MYOCD: variants seen among roughly 807,000 people sequenced by gnomAD.
MYOCD encodes myocardin.
Under a neutral mutation model 96.1 loss-of-function variants are expected in MYOCD, and 32 were observed. The observed-to-expected ratio is 0.33, with a 90% confidence interval of 0.25 to 0.45. MYOCD has a LOEUF of 0.45. Among genes scored for constraint, MYOCD ranks in the 20% least tolerant of loss-of-function variants. The probability of loss-of-function intolerance (pLI) is 1.00; values close to 1 mark genes in which losing one functional copy is unlikely to be tolerated. For missense variants in MYOCD, 1,133 were observed against 1,200.6 expected (o/e 0.94, Z 0.83); for synonymous variants, 469 against 469.0 (o/e 1.00, Z 0.00).
At chr17:12,695,502 C>T (rs2030701998) in intron 1 of MYOCD, among the ~76,000 whole-genome samples, 1 of 152,166 alleles carries the variant, frequency 6.6e-6, no homozygotes, top group Admixed American at 6.5e-5. Flanking sequence ...CTATATTTTG[C>T]AATGTTTCTG....
chr17:12,717,332 T>A lies in MYOCD; in HGVS notation c.178-14T>A. ...AGGTAAAACTAGGTGATTTCTCTTG[T>A]TTGGGTTCTACAGGCTAAAAATTCC... On this transcript the variant is annotated splice_polypyrimidine_tract_variant and intron_variant, in intron 3 of 13. Coordinates refer to ENST00000425538, the MANE Select transcript of MYOCD (RefSeq NM_001146312.3). The A allele has an allele frequency of 6.2e-7, 1 of 1,611,162 alleles. No individual in the cohort carries two copies. The highest frequency in any genetic ancestry group is 1.3e-5 in the African/African-American group (1 of 74,986).
intron 5 of MYOCD, among the ~76,000 whole-genome samples, chr17:12,733,016 T>C (rs901615820): frequency 1.3e-5 from 2 of 152,130 alleles, no homozygotes; most frequent in African/African-American, 2.4e-5. Context: ...ATATGACCTA[T>C]GTATACGAAG....
chr17:12,748,921 T>C (rs903575034), intron 9 of MYOCD, among the ~76,000 whole-genome samples: 2 of 152,206 alleles, frequency 1.3e-5, no homozygotes, highest in Non-Finnish European at 2.9e-5. Flanking sequence ...TAAAGTAACA[T>C]ATATTGACTG....
rs867071527 is a variant in MYOCD, at chr17:12,745,934, G to A, written c.987G>A (p.Gln329=). The change falls in exon 9 of 14, where the codon CAG becomes CAA. Residue 329 remains glutamine, a synonymous_variant. Coordinates refer to ENST00000425538, the MANE Select transcript of MYOCD (RefSeq NM_001146312.3). ...TGTTTTTTAGGGAACCAAATGAACA[G>A]ATGGTCAGAAATCCAAACTCTTCTT... ...HQAQLKEPNE[Q]MVRNPNSSST... is the part of the protein sequence containing the mutation. The A allele has an allele frequency of 6.2e-7, 1 of 1,614,048 alleles. No individual in the cohort carries two copies.
intron 9 of MYOCD, among the ~76,000 whole-genome samples, chr17:12,750,016 A>AT (rs1356314139): frequency 6.6e-6 from 1 of 151,694 alleles, no homozygotes; most frequent in African/African-American, 2.4e-5. Flanking sequence ...TGCCCAGCTA[A>AT]TTTTTTGTAT....
chr17:12,740,367 T>TA (rs2032471830), intron 7 of MYOCD, among the ~76,000 whole-genome samples: 1 of 152,316 alleles, frequency 6.6e-6, no homozygotes, highest in South Asian at 2.1e-4. Flanking sequence ...ACATAATTCT[T>TA]ACGCCTCTGC....
Position 12,760,330 on chromosome 17 carries a change from C to T in MYOCD, c.2332-320C>T, listed in dbSNP as rs1029121205. ...TTCGTAAAGGCAGAAAGGAAAATGG[C>T]GGTTGCCAGGGGCTAAAGGATGGGG... On this transcript the variant is annotated intron_variant, in intron 12 of 13. Coordinates refer to ENST00000425538, the MANE Select transcript of MYOCD (RefSeq NM_001146312.3). 42 of 330,804 alleles carry T rather than the reference C, an allele frequency of 1.3e-4. 2 individuals carry two copies. In the East Asian group the frequency reaches 2.3e-3, roughly 18 times the overall value. The allele number at this position is 330,804 out of a possible 1,614,324, so 20.5% of individuals were successfully genotyped here. A position where few individuals can be genotyped will look rare whatever the true frequency, so the allele number is the denominator to read the frequency against.
chr17:12,725,108 C>G (rs192559289), intron 5 of MYOCD, among the ~76,000 whole-genome samples: 1 of 151,772 alleles, frequency 6.6e-6, no homozygotes, highest in Admixed American at 6.6e-5. Flanking sequence ...ATATGGGAAA[C>G]CTATTAATTG....
At chr17:12,722,069 A>T (rs2150689784) in intron 4 of MYOCD, among the ~76,000 whole-genome samples, 1 of 152,300 alleles carries the variant, frequency 6.6e-6, no homozygotes, top group African/African-American at 2.4e-5. Context: ...TTGTCTGTAA[A>T]TATCTCACTT....
rs1458382599 is a variant in MYOCD at position 12,666,158 on chromosome 17, C to T, written c.-31C>T. The T allele has an allele frequency of 1.2e-5, 19 of 1,602,012 alleles. No individual in the cohort carries two copies. Among genetic ancestry groups the T allele is most frequent in the African/African-American group, 1.3e-5 (1 of 74,664 alleles). On this transcript the variant is annotated 5_prime_UTR_variant, in exon 1 of 14. Coordinates refer to ENST00000425538, the MANE Select transcript of MYOCD (RefSeq NM_001146312.3). ...CTGGTGGAGAACAGGGGGCGCCTGG[C>T]CAAGGGACCAGCGGCTTGCTGAGAC...
intron 1 of MYOCD, among the ~76,000 whole-genome samples, chr17:12,693,289 T>G (rs1411651243): frequency 1.3e-5 from 2 of 152,112 alleles, no homozygotes; most frequent in Non-Finnish European, 2.9e-5. Context: ...GGGACATTTA[T>G]GTTTTTTTAA....
chr17:12,713,735 C>A (rs978869748), intron 2 of MYOCD, among the ~76,000 whole-genome samples: 40 of 152,038 alleles, frequency 2.6e-4, no homozygotes, highest in Admixed American at 2.2e-3. Context: ...AGAACTCCCT[C>A]GACATAAATT....
Position 12,752,961 on chromosome 17 carries a change from CAGAG to C in MYOCD, c.1675_1678del (p.Glu559ArgfsTer28). The C allele has an allele frequency of 6.2e-7, 1 of 1,614,162 alleles. No individual in the cohort carries two copies. Among genetic ancestry groups the C allele is most frequent in the Non-Finnish European group, 8.5e-7 (1 of 1,180,044 alleles). On this transcript the variant is annotated frameshift_variant, in exon 10 of 14. Coordinates refer to ENST00000425538, the MANE Select transcript of MYOCD (RefSeq NM_001146312.3). LOFTEE classifies it high-confidence loss of function. ...CAGAAGCAGAAAAGGAATAACTGTT[CAGAG>C]AAGAAGCCGCTGCCTTTCCTGGCTG...
Position 12,693,038 on chromosome 17 carries a change from G to A in MYOCD, c.56-12090G>A, listed in dbSNP as rs977252593. Among the ~76,000 whole-genome samples the A allele has an allele frequency of 4.6e-5, 7 of 152,174 alleles. No homozygotes were observed. The South Asian group carries it at 6.2e-4, about 14-fold the overall frequency. On this transcript the variant is annotated intron_variant, in intron 1 of 13. Coordinates refer to ENST00000425538, the MANE Select transcript of MYOCD (RefSeq NM_001146312.3). ...CTAGTTCCAGCCCCGAGCTACAAGC[G>A]TGGAATCTAGTCCTGGTTCTCCACT...
chr17:12,697,433 G>A (rs995589674), intron 1 of MYOCD, among the ~76,000 whole-genome samples: 27 of 141,398 alleles, frequency 1.9e-4, no homozygotes, highest in Non-Finnish European at 3.9e-4. Flanking sequence ...CGCAATCTTG[G>A]CTCACTGCAA....
At chr17:12,747,327 GA>G (rs2032694985) in intron 9 of MYOCD, among the ~76,000 whole-genome samples, 1 of 151,294 alleles carries the variant, frequency 6.6e-6, no homozygotes, top group Non-Finnish European at 1.5e-5. Context: ...TGTGTATGGG[GA>G]GAGGCGCCAT....
At chr17:12,720,750 G>A (rs534645204) in intron 4 of MYOCD, among the ~76,000 whole-genome samples, 2 of 152,194 alleles carry the variant, frequency 1.3e-5, no homozygotes, top group Non-Finnish European at 2.9e-5. Context: ...GGCCAGGTGC[G>A]GTGGCTCACG....
chr17:12,723,085 A>T, intron 5 of MYOCD, 77 bp downstream of exon 5: 1 of 1,404,378 alleles, frequency 7.1e-7, no homozygotes, highest in Non-Finnish European at 9.7e-7. Context: ...ACATACTAGG[A>T]TCTTTGGGGA....
At chr17:12,708,063 CT>C (rs766804568) in intron 2 of MYOCD, among the ~76,000 whole-genome samples, 1 of 152,136 alleles carries the variant, frequency 6.6e-6, no homozygotes, top group Non-Finnish European at 1.5e-5. Context: ...CAGAAGCCCC[CT>C]GATAATTCTC....
Sources: gnomAD v4.1 joint callset for allele counts (sites outside exome capture counted in the v4.1 genomes callset) on GRCh38, gnomAD v4.1.1 for gene constraint, MANE v1.5 for transcripts, NCBI Gene and HGNC (gene_info 2026-07-23, HGNC 2026-07-21) for gene names.